The following ZNF366 variants were observed in gnomAD, a reference collection of about 807,000 sequenced individuals.
ZNF366 encodes the protein zinc finger protein 366.
A neutral mutation model predicts 47.2 loss-of-function variants in ZNF366; 20 were observed. The observed-to-expected ratio is 0.42, with a 90% CI of 0.30 to 0.62. The LOEUF is 0.62. ZNF366 is among the 20% of genes least tolerant of loss of function. ZNF366 has a pLI of 0.16. For synonymous variants in ZNF366, 421 were observed against 395.1 expected (o/e 1.07, Z -0.78); for missense variants, 987 against 976.3 (o/e 1.01, Z -0.15).
In ZNF366 at chr5:72,460,675, G is replaced by A. The variant is rs1743287905; in HGVS notation, c.822C>T (p.Gly274=). The change falls in exon 2 of 5, where the codon GGC becomes GGT. Residue 274 remains glycine (G), a synonymous_variant. Transcript: ENST00000318442. ...ACGCGTGCGGCTTGATCCCACTGTG[G>A]CCCAGGATGTGGGTGACCAGGTTGT... The part of the protein sequence containing the change: ...SKYNLVTHIL[G]HSGIKPHACT... 1 of 1,614,234 alleles carries A rather than the reference G, an allele frequency of 6.2e-7. No homozygotes were observed. The highest frequency in any genetic ancestry group is 2.2e-5 in the East Asian group (1 of 44,884).
At chr5:72,492,297 G>A (rs1186963981) in intron 1 of ZNF366, among the ~76,000 whole-genome samples, 3 of 152,138 alleles carry the variant, frequency 2.0e-5, no homozygotes, top group Non-Finnish European at 4.4e-5. Flanking sequence ...TCTTACTTTA[G>A]TGCCTGTAGC....
intron 1 of ZNF366, among the ~76,000 whole-genome samples, chr5:72,503,620 C>T (rs926162268): frequency 6.6e-6 from 1 of 152,082 alleles, no homozygotes; most frequent in African/African-American, 2.4e-5. Flanking sequence ...AATTGAGATC[C>T]AAGCAAGTAA....
chr5:72,447,457 G>A (rs368807400), intron 3 of ZNF366, 40 bp from the exon 4 acceptor site: 10 of 1,608,490 alleles, frequency 6.2e-6, no homozygotes, highest in South Asian at 3.3e-5. Flanking sequence ...TACTCTGCCC[G>A]AGTGAAGCCC....
chr5:72,445,785 G>A (rs2112314176), intron 4 of ZNF366, among the ~76,000 whole-genome samples: 1 of 152,350 alleles, frequency 6.6e-6, no homozygotes, highest in African/African-American at 2.4e-5. Context: ...CTAGCTTGGG[G>A]AAGTGGCTCA....
intron 1 of ZNF366, among the ~76,000 whole-genome samples, chr5:72,491,773 G>T (rs1320146463): frequency 1.3e-5 from 2 of 152,160 alleles, no homozygotes; most frequent in Non-Finnish European, 2.9e-5. Context: ...TAGGGCTGGG[G>T]ATCTAAAAAT....
intron 3 of ZNF366, among the ~76,000 whole-genome samples, chr5:72,447,957 C>G (rs533521781): frequency 6.6e-5 from 10 of 152,308 alleles, no homozygotes; most frequent in African/African-American, 2.4e-4. Context: ...TTAATGAACT[C>G]AGGCCATCAG....
rs1489531389 is a variant in ZNF366, at chr5:72,444,258, G to A, written c.1733C>T (p.Thr578Ile). 3.1e-6 allele frequency: 5 copies of A among 1,613,156 alleles called. No individual in the cohort carries two copies. The highest frequency in any genetic ancestry group is 3.3e-5 in the Admixed American group (2 of 60,010). Residue 578 changes from threonine to isoleucine, a missense_variant, in exon 5 of 5, where the codon ACA (threonine) becomes ATA (isoleucine). Thr to Ile is a moderately conservative substitution (Grantham distance 89). This residue lies in a region of ZNF366 where 285 missense variants were observed against 234.8 expected (regional missense o/e 1.21). Coordinates refer to ENST00000318442, the MANE Select transcript of ZNF366 (RefSeq NM_152625.3). ...CTCCAGACTCCTCAGGACACCGGCTGTCTGTGCCAGGGCGATTCTCCCCCT... is the reference window on the plus strand; with the variant it reads ...CTCCAGACTCCTCAGGACACCGGCTATCTGTGCCAGGGCGATTCTCCCCCT... ...LGRGRIALAQ[T>I]AGVLRSLEQE...
chr5:72,462,522 T>TCTTC (rs1743338723), intron 1 of ZNF366, among the ~76,000 whole-genome samples: 1 of 75,902 alleles, frequency 1.3e-5, no homozygotes, highest in Non-Finnish European at 2.3e-5. Context: ...TTTCTTTCTT[T>TCTTC]CTTTCTTTCT....
At chr5:72,495,924 C>G (rs1342732724) in intron 1 of ZNF366, among the ~76,000 whole-genome samples, 3 of 151,996 alleles carry the variant, frequency 2.0e-5, no homozygotes, top group Non-Finnish European at 4.4e-5. Flanking sequence ...AAGGCAAATT[C>G]TATTAGCCAG....
rs1331683460 is a variant in ZNF366, at chr5:72,443,328, C to G, written c.*428G>C. The G allele has an allele frequency of 6.4e-6, 1 of 155,876 alleles. No homozygotes were observed. The highest frequency in any genetic ancestry group is 1.4e-5 in the Non-Finnish European group (1 of 70,510). The allele number at this position is 155,876 out of a possible 1,614,324, so 9.7% of individuals were successfully genotyped here. A position where few individuals can be genotyped will look rare whatever the true frequency, so the allele number is the denominator to read the frequency against. Reference sequence around the variant, plus strand: ...TATATATGACGACTAATATTTTCATCTATATGGAAAATATTATAACCTTCA... The same window carrying G: ...TATATATGACGACTAATATTTTCATGTATATGGAAAATATTATAACCTTCA... On this transcript the variant is annotated 3_prime_UTR_variant, in exon 5 of 5. Coordinates refer to ENST00000318442, the MANE Select transcript of ZNF366 (RefSeq NM_152625.3).
chr5:72,467,399 A>G (rs1489567210), intron 1 of ZNF366, among the ~76,000 whole-genome samples: 1 of 152,218 alleles, frequency 6.6e-6, no homozygotes, highest in Non-Finnish European at 1.5e-5. Context: ...TCTTTGACCC[A>G]TAAGGACCAA....
chr5:72,463,894 G>C (rs1200068050), intron 1 of ZNF366, among the ~76,000 whole-genome samples: 1 of 152,142 alleles, frequency 6.6e-6, no homozygotes, highest in Non-Finnish European at 1.5e-5. Context: ...AAGACTAAAC[G>C]TGTCCTGCTG....
intron 1 of ZNF366, among the ~76,000 whole-genome samples, chr5:72,497,796 G>A (rs1300586324): frequency 4.6e-5 from 7 of 152,074 alleles, no homozygotes; most frequent in Admixed American, 3.3e-4. Flanking sequence ...CATCTTTGCC[G>A]ATCAAGTAAA....
At chr5:72,484,170 A>G (rs1005808484) in intron 1 of ZNF366, among the ~76,000 whole-genome samples, 1 of 152,160 alleles carries the variant, frequency 6.6e-6, no homozygotes, top group Non-Finnish European at 1.5e-5. Context: ...CCACAATAGT[A>G]TATTATACCT....
chr5:72,492,154 C>T (rs900253381), intron 1 of ZNF366, among the ~76,000 whole-genome samples: 1 of 152,246 alleles, frequency 6.6e-6, no homozygotes, highest in African/African-American at 2.4e-5. Flanking sequence ...AGAGCTTACA[C>T]TTGAAATAAC....
chr5:72,460,404 T>G lies in ZNF366; in HGVS notation c.1093A>C (p.Asn365His), dbSNP rs1313507330. The stretch of plus-strand genomic sequence containing the variant: ...TCGAGGCCGCACTCCACACAGATGT[T>G]CTCGCGCCCACTGGCGTGCTTGGCT... ...HEAKHASGRE[N>H]ICVECGLDFP... is the part of the protein sequence containing the mutation. The change falls in exon 2 of 5, where the codon AAC (asparagine) becomes CAC (histidine). Residue 365 changes from asparagine to histidine, a missense_variant. Asn to His is a moderately conservative substitution (Grantham distance 68). This residue lies in a region of ZNF366 where 591 missense variants were observed against 560.9 expected (regional missense o/e 1.05). Transcript: ENST00000318442. 3 of 1,614,214 alleles carry G rather than the reference T, an allele frequency of 1.9e-6. No individual in the cohort carries two copies. Among genetic ancestry groups the G allele is most frequent in the Non-Finnish European group, 2.5e-6 (3 of 1,180,032 alleles).
intron 1 of ZNF366, among the ~76,000 whole-genome samples, chr5:72,503,395 C>A (rs1308672332): frequency 6.6e-6 from 1 of 152,058 alleles, no homozygotes; most frequent in Non-Finnish European, 1.5e-5. Context: ...TAATGCCATC[C>A]AGAAGAAGAC....
intron 3 of ZNF366, among the ~76,000 whole-genome samples, chr5:72,451,207 C>T (rs569374980): frequency 1.2e-4 from 19 of 152,356 alleles, no homozygotes; most frequent in East Asian, 9.6e-4. Context: ...TGCGCAGGTG[C>T]GCATCTCCAC....
At chr5:72,476,818 A>C (rs1429736590) in intron 1 of ZNF366, among the ~76,000 whole-genome samples, 4 of 152,176 alleles carry the variant, frequency 2.6e-5, no homozygotes, top group Admixed American at 2.0e-4. Flanking sequence ...TGGGTTGGAG[A>C]TACGGCTACC....
Sources: gnomAD v4.1 joint callset for allele counts (sites outside exome capture counted in the v4.1 genomes callset) on GRCh38, gnomAD v4.1.1 for gene constraint, gnomAD v4.1.1 regional missense constraint, MANE v1.5 for transcripts, NCBI Gene and HGNC (gene_info 2026-07-23, HGNC 2026-07-21) for gene names.